Variants in SH2B3 observed in about 807,000 individuals in gnomAD.
SH2B3 encodes SH2B adapter protein 3.
A neutral mutation model predicts 51.9 loss-of-function variants in SH2B3; 43 were observed. The observed-to-expected ratio is 0.83, with a 90% CI of 0.65 to 1.07. The LOEUF (loss-of-function observed/expected upper bound fraction) is 1.07. Ranked by LOEUF, SH2B3 falls within the 50% of genes least tolerant of loss-of-function variation. The pLI is 0.00. For missense variants in SH2B3, 952 were observed against 834.3 expected, an observed-to-expected ratio of 1.14 and a Z score of -1.74; for synonymous variants, 396 against 376.0, an observed-to-expected ratio of 1.05 and a Z score of -0.62.
At position 111,418,904 on chromosome 12, in the gene SH2B3, C is replaced by T. The variant is rs1170023517; in HGVS notation, c.732+27C>T. 1.0e-5 allele frequency: 14 copies of T among 1,382,916 alleles called. No individual in the cohort carries two copies. The highest frequency in any genetic ancestry group is 2.6e-4 in the Middle Eastern group (1 of 3,788). 85.7% of individuals were successfully genotyped at this position (1,382,916 alleles called of 1,614,324 possible). A position where few individuals can be genotyped will look rare whatever the true frequency, so the allele number is the denominator to read the frequency against. Reference sequence around the variant, plus strand: ...TAAGTAAGCCCTGCCCGCGGGGTTGCGCACTGCACTGCGCCCTTCGCCTTC... The same window carrying T: ...TAAGTAAGCCCTGCCCGCGGGGTTGTGCACTGCACTGCGCCCTTCGCCTTC... On this transcript the variant is annotated intron_variant, in intron 2 of 7. Transcript: ENST00000341259. The surrounding 1 kb of genome is among the most constrained non-coding windows in gnomAD (Gnocchi z 6.7).
chr12:111,434,038 C>T (rs968803771), intron 2 of SH2B3, among the ~76,000 whole-genome samples: 12 of 152,190 alleles, frequency 7.9e-5, no homozygotes, highest in African/African-American at 2.2e-4. Flanking sequence ...AAAGGTCATA[C>T]GCATATATCT....
chr12:111,436,391 G>A (rs577910912), intron 2 of SH2B3, among the ~76,000 whole-genome samples: 1 of 152,320 alleles, frequency 6.6e-6, no homozygotes, highest in South Asian at 2.1e-4. Context: ...GGTAGGGAGT[G>A]TAGGGCTTTC....
chr12:111,418,125 C>T lies in SH2B3; in HGVS notation c.-21C>T. ...CCACCCACGTGTCTTTCAGCCCGGC[C>T]GCACCACCTGGGTCTCCGCCATGAA... On this transcript the variant is annotated 5_prime_UTR_variant, in exon 2 of 8. Coordinates refer to ENST00000341259, the MANE Select transcript of SH2B3 (RefSeq NM_005475.3). This position sits in a 1 kb window ranked among gnomAD's most constrained non-coding sequence, Gnocchi z 6.7. 6.8e-7 allele frequency: 1 copy of T among 1,479,092 alleles called. No individual in the cohort carries two copies. The allele number at this position is 1,479,092 out of a possible 1,614,324, so 91.6% of individuals were successfully genotyped here.
chr12:111,419,795 G>A (rs1247880377), intron 2 of SH2B3, among the ~76,000 whole-genome samples: 5 of 152,206 alleles, frequency 3.3e-5, no homozygotes, highest in African/African-American at 7.2e-5. Flanking sequence ...TTAGCTAAAC[G>A]CCACTGTTCC....
chr12:111,434,484 G>C lies in SH2B3; in HGVS notation c.733-12269G>C, dbSNP rs144505041. ...TTTTCTTGATTTGTGAACACTACAC[G>C]GCACGGATATTAGCTCTGTCCCATG... On this transcript the variant is annotated intron_variant, in intron 2 of 7. Coordinates refer to ENST00000341259, the MANE Select transcript of SH2B3 (RefSeq NM_005475.3). 3.5e-4 allele frequency among the ~76,000 whole-genome samples: 53 copies of C among 152,252 alleles called. No individual in the cohort carries two copies. The East Asian group carries it at 9.4e-3, about 27-fold the overall frequency.
rs540455114 is a variant in SH2B3 at position 111,449,437 on chromosome 12, T to G, written c.*1135T>G. 6.6e-6 allele frequency: 1 copy of G among 152,334 alleles called. No individual in the cohort carries two copies. The highest frequency in any genetic ancestry group is 2.1e-4 in the South Asian group (1 of 4,826). 9.4% of individuals were successfully genotyped at this position (152,334 alleles called of 1,614,324 possible). On this transcript the variant is annotated 3_prime_UTR_variant, in exon 8 of 8. Coordinates refer to ENST00000341259, the MANE Select transcript of SH2B3 (RefSeq NM_005475.3). ...CATAACTAATGAGAAACTCCTTTAA[T>G]AGCCCACAATCAGTGTTCTGTTCTA...
rs750133788 is a variant in SH2B3 at position 111,448,544 on chromosome 12, C to T, written c.*242C>T. On this transcript the variant is annotated 3_prime_UTR_variant, in exon 8 of 8. Coordinates refer to ENST00000341259, the MANE Select transcript of SH2B3 (RefSeq NM_005475.3). Reference sequence around the variant, plus strand: ...AGATGTAGTTCTTGTTAGAGGATGCCGCTAGCTCCTGCCCGGGGTCCCTAT... The same window carrying T: ...AGATGTAGTTCTTGTTAGAGGATGCTGCTAGCTCCTGCCCGGGGTCCCTAT... 81 of 518,582 alleles carry T rather than the reference C, an allele frequency of 1.6e-4. No homozygotes were observed. The highest frequency in any genetic ancestry group is 2.4e-4 in the Non-Finnish European group (69 of 292,516). The allele number at this position is 518,582 out of a possible 1,614,324, so 32.1% of individuals were successfully genotyped here.
chr12:111,447,879 G>T, intron 7 of SH2B3, 52 bp downstream of exon 7: 1 of 1,589,300 alleles, frequency 6.3e-7, no homozygotes, highest in South Asian at 1.1e-5. Context: ...TGGGTAGAGG[G>T]TAGAGGCTTG....
At chr12:111,428,413 C>T (rs1218394852) in intron 2 of SH2B3, among the ~76,000 whole-genome samples, 1 of 152,230 alleles carries the variant, frequency 6.6e-6, no homozygotes, top group Non-Finnish European at 1.5e-5. Context: ...GCCATCCCCA[C>T]TCATCCCCTT....
intron 2 of SH2B3, among the ~76,000 whole-genome samples, chr12:111,426,250 T>C (rs995569614): frequency 2.0e-5 from 3 of 152,094 alleles, no homozygotes; most frequent in African/African-American, 7.2e-5. Flanking sequence ...AATTTCTCTG[T>C]GGATGGCTCC....
intron 2 of SH2B3, among the ~76,000 whole-genome samples, chr12:111,440,195 T>C (rs927999802): frequency 1.6e-4 from 25 of 152,304 alleles, no homozygotes; most frequent in Admixed American, 3.3e-4. Context: ...TGTGCTGTGT[T>C]CCCTCCCCCT....
At chr12:111,444,349 A>C (rs1362729536) in intron 2 of SH2B3, among the ~76,000 whole-genome samples, 1 of 152,204 alleles carries the variant, frequency 6.6e-6, no homozygotes, top group African/African-American at 2.4e-5. Context: ...AGCCAGAGCA[A>C]AGAAAGAAAT....
chr12:111,416,175 C>T (rs1433060946), intron 1 of SH2B3, among the ~76,000 whole-genome samples: 1 of 152,148 alleles, frequency 6.6e-6, no homozygotes, highest in Non-Finnish European at 1.5e-5. Flanking sequence ...ATCTCCTGAC[C>T]TCGTGATCTG....
Position 111,447,630 on chromosome 12 carries a change from G to A in SH2B3, c.1237-26G>A, listed in dbSNP as rs80214388. On this transcript the variant is annotated intron_variant, in intron 6 of 7. Transcript: ENST00000341259. ...GTTCAGGGTCCTAGAGGGACAGCCC[G>A]AGCCCACCATCCTCTCCTCCCACAG... is the stretch of plus-strand genomic sequence containing the variant. The A allele has an allele frequency of 4.4e-4, 701 of 1,609,144 alleles. 6 individuals are homozygous for A. The African/African-American group carries it at 8.5e-3, about 20-fold the overall frequency.
Position 111,418,829 on chromosome 12 carries a change from G to GGGCCCCGAT in SH2B3, c.693_701dup (p.Gly232_Asp234dup). The GGGCCCCGAT allele has an allele frequency of 7.0e-7, 1 of 1,422,982 alleles. No homozygotes were observed. The highest frequency in any genetic ancestry group is 3.4e-5 in the Admixed American group (1 of 29,794). The allele number at this position is 1,422,982 out of a possible 1,614,324, so 88.1% of individuals were successfully genotyped here. ...GGAGGCTGGCGCTGCGCCGGGCCCC[G>GGGCCCCGAT]GGCCCCGATGGCCCCGACCGCGTGC... On this transcript the variant is annotated inframe_insertion, in exon 2 of 8. Transcript: ENST00000341259. The surrounding 1 kb of genome is among the most constrained non-coding windows in gnomAD (Gnocchi z 6.7).
In SH2B3 at chr12:111,446,761, G is replaced by T; in HGVS notation, c.741G>T (p.Arg247Ser). ...LELFDPPKSSRPKLQAACSSI... is the reference protein window; with the variant it reads ...LELFDPPKSSSPKLQAACSSI... Reference sequence around the variant, plus strand: ...CCAACTTGGTCTCGTAGAGTTCAAGGCCCAAGCTACAAGCAGCTTGCTCCA... The same window carrying T: ...CCAACTTGGTCTCGTAGAGTTCAAGTCCCAAGCTACAAGCAGCTTGCTCCA... Residue 247 changes from arginine (R) to serine (S), a missense_variant, in exon 3 of 8, where the codon AGG (arginine) becomes AGT (serine). Physicochemically the swap from Arg to Ser is moderately radical, Grantham distance 110. Transcript: ENST00000341259. 1 of 1,544,314 alleles carries T rather than the reference G, an allele frequency of 6.5e-7. No homozygotes were observed. The highest frequency in any genetic ancestry group is 8.7e-7 in the Non-Finnish European group (1 of 1,143,586).
In SH2B3 at chr12:111,418,293, C is replaced by T. The variant is rs1013978345; in HGVS notation, c.148C>T (p.Arg50Trp). ...GGCCCGCCAGTACTGGCTGTTCGCC[C>T]GGGAGCATCCGCAGCACGCGCCGCT... The part of the protein sequence containing the change: ...ELARQYWLFA[R>W]EHPQHAPLRA... Residue 50 changes from arginine (R) to tryptophan (W), a missense_variant, in exon 2 of 8, where the codon CGG becomes TGG. Coordinates refer to ENST00000341259, the MANE Select transcript of SH2B3 (RefSeq NM_005475.3). The surrounding 1 kb of genome is among the most constrained non-coding windows in gnomAD (Gnocchi z 6.7). The T allele has an allele frequency of 1.5e-5, 23 of 1,535,286 alleles. No individual in the cohort carries two copies. Among genetic ancestry groups the T allele is most frequent in the African/African-American group, 2.8e-5 (2 of 72,196 alleles).
chr12:111,445,010 T>A (rs1397827977), intron 2 of SH2B3, among the ~76,000 whole-genome samples: 1 of 152,164 alleles, frequency 6.6e-6, no homozygotes, highest in Non-Finnish European at 1.5e-5. Flanking sequence ...CCAGGCTGGC[T>A]GTGGGTGAGG....
chr12:111,433,383 T>C (rs779316396), intron 2 of SH2B3, among the ~76,000 whole-genome samples: 4 of 152,156 alleles, frequency 2.6e-5, no homozygotes, highest in Non-Finnish European at 5.9e-5. Flanking sequence ...AAAATAAATA[T>C]GACTGCCAAC....
Sources: gnomAD v4.1 joint callset for allele counts (sites outside exome capture counted in the v4.1 genomes callset) on GRCh38, gnomAD v4.1.1 for gene constraint, Gnocchi (gnomAD v3.1) non-coding constraint, MANE v1.5 for transcripts, NCBI Gene and HGNC (gene_info 2026-07-23, HGNC 2026-07-21) for gene names.